ABL1: variants seen among roughly 807,000 people sequenced by gnomAD.
ABL1 encodes ABL proto-oncogene 1, non-receptor tyrosine kinase.
A neutral mutation model predicts 94.7 loss-of-function variants in ABL1; 11 were observed. The observed-to-expected ratio is 0.12, with a 90% confidence interval of 0.07 to 0.19. The LOEUF (loss-of-function observed/expected upper bound fraction) is 0.19. Ranked by LOEUF, ABL1 falls within the 10% of genes least tolerant of loss-of-function variation. The pLI is 1.00. For synonymous variants in ABL1, 656 were observed against 622.4 expected, an observed-to-expected ratio of 1.05 and a Z score of -0.80; for missense variants, 1,082 against 1,489.4, an observed-to-expected ratio of 0.73 and a Z score of 4.50.
chr9:130,835,576 G>A lies in ABL1; in HGVS notation c.79+51G>A, dbSNP rs1830560984. 6.7e-7 allele frequency: 1 copy of A among 1,498,116 alleles called. No homozygotes were observed. The highest frequency in any genetic ancestry group is 9.1e-7 in the Non-Finnish European group (1 of 1,102,512). 92.8% of individuals were successfully genotyped at this position (1,498,116 alleles called of 1,614,324 possible). A position where few individuals can be genotyped will look rare whatever the true frequency, so the allele number is the denominator to read the frequency against. On this transcript the variant is annotated intron_variant, in intron 1 of 10. Transcript: ENST00000318560. This position sits in a 1 kb window ranked among gnomAD's most constrained non-coding sequence, Gnocchi z 4.6. ...CTGAGTAGCCGCGCGCCCTCCCGCT[G>A]CTGCTGGGCCCTTCCTAGGCCTCGC...
At chr9:130,848,362 A>C (rs981552936) in intron 1 of ABL1, among the ~76,000 whole-genome samples, 12 of 149,650 alleles carry the variant, frequency 8.0e-5, no homozygotes, top group African/African-American at 2.2e-4. Context: ...AAAAAAAAAA[A>C]AAAAACTTAG....
intron 1 of ABL1, among the ~76,000 whole-genome samples, chr9:130,797,266 G>C (rs1361372966): frequency 7.6e-4 from 46 of 60,494 alleles, no homozygotes; most frequent in African/African-American, 2.2e-3. Flanking sequence ...AAAAAAAAAA[G>C]AACTTTGAAT....
rs60782706 is a variant in ABL1, at chr9:130,771,240, GTGTATGTATGTA to G, written c.136+56802_136+56813del. Among the ~76,000 whole-genome samples the G allele has an allele frequency of 9.0e-4, 137 of 151,806 alleles. 1 individual carries two copies. Among genetic ancestry groups the G allele is most frequent in the Non-Finnish European group, 1.1e-3 (76 of 67,910 alleles). ...TGTATGTATGTATGTATGTGTGTGTGTGTATGTATGTATGTATGTATGTATGTAGAGATGGGG... is the reference window on the plus strand; with the variant it reads ...TGTATGTATGTATGTATGTGTGTGTGTGTATGTATGTATGTAGAGATGGGG... On this transcript the variant is annotated intron_variant, in intron 1 of 10. Coordinates refer to the ABL1 transcript ENST00000372348.
chr9:130,729,636 G>T (rs1025240393), intron 1 of ABL1, among the ~76,000 whole-genome samples: 1 of 152,048 alleles, frequency 6.6e-6, no homozygotes, highest in African/African-American at 2.4e-5. Flanking sequence ...GAAAACAGTC[G>T]TCTCAAATAT....
chr9:130,785,148 A>G (rs1285581436), intron 1 of ABL1, among the ~76,000 whole-genome samples: 2 of 152,224 alleles, frequency 1.3e-5, no homozygotes, highest in African/African-American at 4.8e-5. Context: ...GGCTTTGTCA[A>G]CAGAGTGCTG....
intron 1 of ABL1, among the ~76,000 whole-genome samples, chr9:130,723,936 C>T (rs994464579): frequency 7.9e-5 from 12 of 151,844 alleles, no homozygotes; most frequent in South Asian, 4.2e-4. Context: ...CTCAGCCTCC[C>T]GAGTAGCTAG....
intron 1 of ABL1, among the ~76,000 whole-genome samples, chr9:130,849,004 T>C (rs931508810): frequency 1.8e-4 from 27 of 152,288 alleles, no homozygotes; most frequent in African/African-American, 6.3e-4. Flanking sequence ...AGTTAACTAC[T>C]GTTCACAGTT....
At chr9:130,714,374 G>A in exon 1 of ABL1, 1 of 1,614,024 alleles carries the variant, frequency 6.2e-7, no homozygotes, top group Non-Finnish European at 8.5e-7. Context: ...AAGCTTGCCT[G>A]CCCTGCATTT....
In ABL1 at chr9:130,854,176, C is replaced by A; in HGVS notation, c.192C>A (p.Asn64Lys). ...CTGGACCCAGTGAAAATGACCCCAA[C>A]CTTTTCGTTGCACTGTATGATTTTG... is the stretch of plus-strand genomic sequence containing the variant. ...LLAGPSENDP[N>K]LFVALYDFVA... is the part of the protein sequence containing the mutation. Residue 64 changes from asparagine to lysine, a missense_variant, in exon 2 of 11, where the codon AAC becomes AAA. By Grantham distance (94) the Asn-to-Lys change is moderately conservative. Around this residue, in one of 7 missense-constraint regions of ABL1, gnomAD observed 65 missense variants for 80.8 expected, o/e 0.80. Coordinates refer to ENST00000318560, the MANE Select transcript of ABL1 (RefSeq NM_005157.6). 6.2e-7 allele frequency: 1 copy of A among 1,614,208 alleles called. No homozygotes were observed. Among genetic ancestry groups the A allele is most frequent in the Non-Finnish European group, 8.5e-7 (1 of 1,180,024 alleles).
At chr9:130,714,252 T>G in exon 1 of ABL1, 1 of 1,478,366 alleles carries the variant, frequency 6.8e-7, no homozygotes. Flanking sequence ...GCCATTTCCC[T>G]CTACGCTCGC....
chr9:130,854,945 C>A lies in ABL1; in HGVS notation c.398C>A (p.Ser133Tyr). 6.2e-7 allele frequency: 1 copy of A among 1,614,224 alleles called. No individual in the cohort carries two copies. Among genetic ancestry groups the A allele is most frequent in the Non-Finnish European group, 8.5e-7 (1 of 1,180,044 alleles). Residue 133 changes from serine to tyrosine, a missense_variant, in exon 3 of 11, where the codon TCC becomes TAC. This residue lies in a region of ABL1 where 47 missense variants were observed against 142.2 expected (regional missense o/e 0.33). Transcript: ENST00000318560. ...CACTCCTGGTACCATGGGCCTGTGT[C>A]CCGCAATGCCGCTGAGTATCTGCTG... ...EKHSWYHGPV[S>Y]RNAAEYLLSS...
intron 1 of ABL1, among the ~76,000 whole-genome samples, chr9:130,744,166 G>A (rs963837887): frequency 2.7e-5 from 4 of 150,440 alleles, no homozygotes; most frequent in African/African-American, 4.9e-5. Context: ...TCCCTGAGAC[G>A]GACTCGCTCT....
At position 130,772,897 on chromosome 9, in the gene ABL1, A is replaced by G. The variant is rs148968143; in HGVS notation, c.136+58442A>G. 5.0e-4 allele frequency among the ~76,000 whole-genome samples: 76 copies of G among 152,358 alleles called. No homozygotes were observed. The East Asian group carries it at 0.011, about 22-fold the overall frequency. Reference sequence around the variant, plus strand: ...GGTATGAGGGAGACTTTTGCTGGTGATAGGACAGATTATCCTGAAAATTGA... The same window carrying G: ...GGTATGAGGGAGACTTTTGCTGGTGGTAGGACAGATTATCCTGAAAATTGA... On this transcript the variant is annotated intron_variant, in intron 1 of 10. Transcript: ENST00000372348.
chr9:130,819,870 C>T (rs1372612356), intron 1 of ABL1, among the ~76,000 whole-genome samples: 1 of 145,036 alleles, frequency 6.9e-6, no homozygotes, highest in Non-Finnish European at 1.5e-5. Context: ...TTTTTTTTTA[C>T]AGCAGGAGGT....
rs562597824 is a variant in ABL1, at chr9:130,885,218, C to T, written c.2928C>T (p.Ile976=). 10 of 1,613,732 alleles carry T rather than the reference C, an allele frequency of 6.2e-6. No homozygotes were observed. The South Asian group carries it at 1.1e-4, about 18-fold the overall frequency. ...PQSAKPSGTP[I]SPAPVPSTLP... is the part of the protein sequence containing the mutation. The stretch of plus-strand genomic sequence containing the variant: ...CCGCCAAGCCGTCGGGGACCCCCAT[C>T]AGCCCAGCCCCCGTTCCCTCCACGT... The change falls in exon 11 of 11, where the codon ATC becomes ATT. Residue 976 remains isoleucine, a synonymous_variant. Transcript: ENST00000318560.
intron 1 of ABL1, among the ~76,000 whole-genome samples, chr9:130,753,642 T>C (rs1588224550): frequency 6.6e-6 from 1 of 151,136 alleles, no homozygotes; most frequent in African/African-American, 2.4e-5. Flanking sequence ...GCCAGGCTGG[T>C]CTCGAATTCC....
chr9:130,885,862 G>A lies in ABL1; in HGVS notation c.*179G>A, dbSNP rs992492861. The A allele has an allele frequency of 1.1e-5, 9 of 782,736 alleles. No individual in the cohort carries two copies. The highest frequency in any genetic ancestry group is 6.1e-5 in the Admixed American group (2 of 32,574). 48.5% of individuals were successfully genotyped at this position (782,736 alleles called of 1,614,324 possible). On this transcript the variant is annotated 3_prime_UTR_variant, in exon 11 of 11. Transcript: ENST00000318560. ...CAGCTCTACTACCTACGTTTGCACC[G>A]CCTGCCCTCCCGCACCTTCCTCCTC...
chr9:130,862,587 G>C lies in ABL1; in HGVS notation c.550-176G>C, dbSNP rs1588272445. Among the ~76,000 whole-genome samples, 1 of 152,130 alleles carries C rather than the reference G, an allele frequency of 6.6e-6. No individual in the cohort carries two copies. Among genetic ancestry groups the C allele is most frequent in the Non-Finnish European group, 1.5e-5 (1 of 68,024 alleles). On this transcript the variant is annotated intron_variant, in intron 3 of 10. Transcript: ENST00000318560. The surrounding 1 kb of genome is among the most constrained non-coding windows in gnomAD (Gnocchi z 5.5). ...TCTTTTTGCTTGAGCGAGTAACTTAGAGCACACGTAGAGAAAGACAGCAGA... is the reference window on the plus strand; with the variant it reads ...TCTTTTTGCTTGAGCGAGTAACTTACAGCACACGTAGAGAAAGACAGCAGA...
chr9:130,857,820 A>G (rs1374178749), intron 3 of ABL1, among the ~76,000 whole-genome samples: 1 of 152,296 alleles, frequency 6.6e-6, no homozygotes, highest in East Asian at 1.9e-4. Context: ...CGTGACGGAC[A>G]AAAGAGCCTG....
Sources: gnomAD v4.1 joint callset for allele counts (sites outside exome capture counted in the v4.1 genomes callset) on GRCh38, gnomAD v4.1.1 for gene constraint, gnomAD v4.1.1 regional missense constraint, Gnocchi (gnomAD v3.1) non-coding constraint, MANE v1.5 for transcripts, NCBI Gene and HGNC (gene_info 2026-07-23, HGNC 2026-07-21) for gene names.